KNTC1: variants seen among roughly 807,000 people sequenced by gnomAD.
KNTC1 encodes the protein kinetochore associated 1, also known as kinetochore-associated protein 1.
KNTC1 carries 253 observed loss-of-function variants against 314.4 expected under a neutral mutation model. The observed-to-expected ratio is 0.80, with a 90% CI of 0.73 to 0.89. KNTC1 has a LOEUF of 0.89. Ranked by LOEUF, KNTC1 falls within the 40% of genes least tolerant of loss-of-function variation. The probability of loss-of-function intolerance (pLI) is 0.00; values close to 1 mark genes in which losing one functional copy is unlikely to be tolerated. For synonymous variants in KNTC1, 901 were observed against 901.4 expected (o/e 1.00, Z 0.01); for missense variants, 2,475 against 2,572.9 (o/e 0.96, Z 0.82).
chr12:122,615,401 C>G, intron 56 of KNTC1, 69 bp from the exon 57 acceptor site: 1 of 1,267,440 alleles, frequency 7.9e-7, no homozygotes, highest in Non-Finnish European at 1.1e-6. Context: ...ACTTTAACAT[C>G]TGGTATTTCA....
chr12:122,617,530 C>T, intron 57 of KNTC1: 1 of 244,930 alleles, frequency 4.1e-6, no homozygotes, highest in Non-Finnish European at 8.5e-6. Context: ...GGCCAGTGTT[C>T]TTTCCTTATT....
chr12:122,584,327 C>G lies in KNTC1; in HGVS notation c.3313C>G (p.Leu1105Val), dbSNP rs1868913648. The change falls in exon 35 of 64, where the codon CTG (leucine) becomes GTG (valine). Residue 1105 changes from leucine (L) to valine (V), a missense_variant. Transcript: ENST00000333479. The part of the protein sequence containing the change: ...CNADTGKLLF[L>V]TCQKLCQMLA... ...TGCTGACACTGGGAAATTGCTATTT[C>G]TGACATGTCAGAAGCTTTGTCAGAT... 6.2e-7 allele frequency: 1 copy of G among 1,613,492 alleles called. No individual in the cohort carries two copies. The highest frequency in any genetic ancestry group is 1.1e-5 in the South Asian group (1 of 91,060).
chr12:122,553,871 T>C (rs951119525), intron 16 of KNTC1, among the ~76,000 whole-genome samples: 8 of 152,082 alleles, frequency 5.3e-5, no homozygotes, highest in African/African-American at 1.9e-4. Flanking sequence ...AGATCAAGTA[T>C]AAAAGCTGAA....
At chr12:122,529,037 T>A (rs1393108332) in intron 1 of KNTC1, among the ~76,000 whole-genome samples, 1 of 151,532 alleles carries the variant, frequency 6.6e-6, no homozygotes, top group African/African-American at 2.4e-5. Flanking sequence ...AGAGAGGGGG[T>A]TTCGTCATGT....
intron 43 of KNTC1, chr12:122,597,283 CT>C (rs1871195874): frequency 8.4e-6 from 1 of 119,662 alleles, no homozygotes; most frequent in Non-Finnish European, 1.6e-5. Flanking sequence ...GAGCCTTGCT[CT>C]GTTGCCCAAA....
In KNTC1 at chr12:122,576,825, T is replaced by A. The variant is rs565170436; in HGVS notation, c.2587-70T>A. Reference sequence around the variant, plus strand: ...TTTAAATTTTTTTGCCACTTTGCTCTTATAAGCAAGTGATTTCTTGGTTTT... The same window carrying A: ...TTTAAATTTTTTTGCCACTTTGCTCATATAAGCAAGTGATTTCTTGGTTTT... On this transcript the variant is annotated intron_variant, in intron 29 of 63. Coordinates refer to ENST00000333479, the MANE Select transcript of KNTC1 (RefSeq NM_014708.6). 3.0e-6 allele frequency: 4 copies of A among 1,321,938 alleles called. No homozygotes were observed. The Admixed American group carries it at 1.1e-4, about 38-fold the overall frequency. 81.9% of individuals were successfully genotyped at this position (1,321,938 alleles called of 1,614,324 possible). A position where few individuals can be genotyped will look rare whatever the true frequency, so the allele number is the denominator to read the frequency against.
chr12:122,537,777 C>G (rs1371390910), intron 3 of KNTC1, among the ~76,000 whole-genome samples: 2 of 152,020 alleles, frequency 1.3e-5, no homozygotes, highest in African/African-American at 2.4e-5. Flanking sequence ...TCTTTTGTTA[C>G]TGTTCTCAGA....
At chr12:122,569,523 C>T (rs187178611) in intron 21 of KNTC1, among the ~76,000 whole-genome samples, 158 bp from the exon 22 acceptor site, 48 of 152,304 alleles carry the variant, frequency 3.2e-4, no homozygotes, top group South Asian at 1.5e-3. Flanking sequence ...ATGCAGCTCC[C>T]AACTAGAATC....
At position 122,613,200 on chromosome 12, in the gene KNTC1, C is replaced by A. The variant is rs748310550; in HGVS notation, c.5711C>A (p.Ser1904Tyr). 1.9e-6 allele frequency: 3 copies of A among 1,609,540 alleles called. No individual in the cohort carries two copies. Among genetic ancestry groups the A allele is most frequent in the Non-Finnish European group, 2.6e-6 (3 of 1,176,448 alleles). The change falls in exon 54 of 64, where the codon TCT becomes TAT. Residue 1904 changes from serine (S) to tyrosine (Y), a missense_variant. Transcript: ENST00000333479. ...TTGGCTGACAAGGAAACTATAGAATCTCTCTTTAAAAAACCCATTGAAGAA... is the reference window on the plus strand; with the variant it reads ...TTGGCTGACAAGGAAACTATAGAATATCTCTTTAAAAAACCCATTGAAGAA... The part of the protein sequence containing the change: ...FYLADKETIE[S>Y]LFKKPIEEVK...
Position 122,551,664 on chromosome 12 carries a change from A to C in KNTC1, c.1240A>C (p.Ser414Arg). 1 of 1,613,722 alleles carries C rather than the reference A, an allele frequency of 6.2e-7. No individual in the cohort carries two copies. Among genetic ancestry groups the C allele is most frequent in the Non-Finnish European group, 8.5e-7 (1 of 1,179,728 alleles). ...CAAACACAGATTTGCTGAAGCTGAGAGTTTTGCCATTCAGTTTGGACTAGA... is the reference window on the plus strand; with the variant it reads ...CAAACACAGATTTGCTGAAGCTGAGCGTTTTGCCATTCAGTTTGGACTAGA... ...LHKHRFAEAE[S>R]FAIQFGLDVE... is the part of the protein sequence containing the mutation. The change falls in exon 16 of 64, where the codon AGT becomes CGT. Residue 414 changes from serine to arginine, a missense_variant. Physicochemically the swap from Ser to Arg is moderately radical, Grantham distance 110. Coordinates refer to ENST00000333479, the MANE Select transcript of KNTC1 (RefSeq NM_014708.6).
Position 122,587,752 on chromosome 12 carries a change from C to A in KNTC1, c.3772C>A (p.Leu1258Met), listed in dbSNP as rs376432046. ...ACCTGTTATAAATTCCATCTCTGCCCTGCTTCAGAATCTTCAGGAATCTAG... is the reference window on the plus strand; with the variant it reads ...ACCTGTTATAAATTCCATCTCTGCCATGCTTCAGAATCTTCAGGAATCTAG... The part of the protein sequence containing the change: ...VLPVINSISA[L>M]LQNLQESSQW... Residue 1258 changes from leucine (L) to methionine (M), a missense_variant, in exon 39 of 64, where the codon CTG becomes ATG. Leu to Met is a conservative substitution (Grantham distance 15). Transcript: ENST00000333479. 8.7e-6 allele frequency: 14 copies of A among 1,613,646 alleles called. No individual in the cohort carries two copies. The highest frequency in any genetic ancestry group is 3.3e-5 in the Admixed American group (2 of 59,976).
At position 122,528,919 on chromosome 12, in the gene KNTC1, T is replaced by G. The variant is rs1043676946; in HGVS notation, c.-73-1072T>G. On this transcript the variant is annotated intron_variant, in intron 1 of 63. Transcript: ENST00000333479. Reference sequence around the variant, plus strand: ...TGCAAGTGGCACGATCTCGACTTACTGCAACCTCCGCCTCCCGGGTTCAAG... The same window carrying G: ...TGCAAGTGGCACGATCTCGACTTACGGCAACCTCCGCCTCCCGGGTTCAAG... 3.3e-5 allele frequency among the ~76,000 whole-genome samples: 5 copies of G among 152,286 alleles called. No homozygotes were observed. The South Asian group carries it at 8.3e-4, about 25-fold the overall frequency.
intron 24 of KNTC1, 127 bp downstream of exon 24, chr12:122,571,253 T>G: frequency 1.6e-6 from 1 of 611,348 alleles, no homozygotes; most frequent in Non-Finnish European, 2.7e-6. Flanking sequence ...GTGCCTTTTT[T>G]TTGTTTTGTG....
intron 55 of KNTC1, among the ~76,000 whole-genome samples, chr12:122,614,348 G>A (rs979310981): frequency 1.3e-5 from 2 of 152,110 alleles, no homozygotes; most frequent in Non-Finnish European, 2.9e-5. Context: ...GAGACTGTCC[G>A]GTAGACAGAG....
chr12:122,620,050 T>G (rs1874257096), intron 59 of KNTC1: 1 of 151,756 alleles, frequency 6.6e-6, no homozygotes. Context: ...ATGCCTGTAA[T>G]CCCAGCTACT....
rs745868436 is a variant in KNTC1, at chr12:122,569,568, A to AT, written c.1717-111dup. On this transcript the variant is annotated intron_variant, in intron 21 of 63. Transcript: ENST00000333479. ...GTGTGAATCTCCTTTAGCACTCATT[A>AT]TTAAATCAGTAGGCTACTCCTTAAA... is the stretch of plus-strand genomic sequence containing the variant. The AT allele has an allele frequency of 8.8e-5, 76 of 859,416 alleles. No homozygotes were observed. In the South Asian group the frequency reaches 1.3e-3, roughly 14 times the overall value. The allele number at this position is 859,416 out of a possible 1,614,324, so 53.2% of individuals were successfully genotyped here. A position where few individuals can be genotyped will look rare whatever the true frequency, so the allele number is the denominator to read the frequency against.
In KNTC1 at chr12:122,539,685, C is replaced by T; in HGVS notation, c.376C>T (p.Gln126Ter). 6.4e-7 allele frequency: 1 copy of T among 1,565,790 alleles called. No individual in the cohort carries two copies. Residue 126 changes from glutamine to a stop codon, truncating the protein, a stop_gained, in exon 5 of 64, where the codon CAG becomes TAG. Transcript: ENST00000333479. LOFTEE classifies it high-confidence loss of function. ...ATTAATTTGCATTTAGGCATTTGTT[C>T]AGAAAGCTAACGATGAAAATCGGCG... Reference protein sequence around the residue: ...KQTLLTNAFVQKANDENRRTY... With the variant: ...KQTLLTNAFV
rs1963672266 is a variant in KNTC1 at position 122,557,429 on chromosome 12, T to C, written c.1318T>C (p.Leu440=). Residue 440 remains leucine, a synonymous_variant, in exon 17 of 64, where the codon TTG becomes CTG. Coordinates refer to ENST00000333479, the MANE Select transcript of KNTC1 (RefSeq NM_014708.6). ...AAATCATATATTGGAGAAACTGGCA[T>C]TGAGTTCTGTGGATGCCAGTGAACA... is the stretch of plus-strand genomic sequence containing the variant. ...KSNHILEKLA[L]SSVDASEQTE... The C allele has an allele frequency of 4.3e-6, 7 of 1,613,768 alleles. No homozygotes were observed. Among genetic ancestry groups the C allele is most frequent in the Middle Eastern group, 1.6e-4 (1 of 6,062 alleles).
intron 43 of KNTC1, 188 bp from the exon 44 acceptor site, chr12:122,597,543 G>A (rs568634104): frequency 1.7e-4 from 95 of 573,258 alleles, no homozygotes; most frequent in East Asian, 3.1e-4. Context: ...CACTGCACCC[G>A]GCCTAATATC....
Sources: allele counts gnomAD v4.1 joint callset (sites outside exome capture counted in the v4.1 genomes callset), GRCh38; gene constraint gnomAD v4.1.1; transcripts MANE v1.5; gene names NCBI Gene and HGNC (gene_info 2026-07-23, HGNC 2026-07-21).